TENM1: variants seen among roughly 807,000 people sequenced by gnomAD.
The protein encoded by TENM1 is teneurin-1.
A neutral mutation model predicts 174.8 loss-of-function variants in TENM1; 35 were observed. The ratio of observed to expected loss-of-function variants is 0.20; its 90% CI spans 0.15 to 0.27. The LOEUF (loss-of-function observed/expected upper bound fraction) is 0.27. Ranked by LOEUF, TENM1 falls within the 10% of genes least tolerant of loss-of-function variation. The pLI is 1.00. For synonymous variants in TENM1, 781 were observed against 798.7 expected (o/e 0.98, Z 0.37); for missense variants, 1,633 against 2,130.1 (o/e 0.77, Z 4.59).
chrX:124,977,967 TGAGAGAGAGAGA>T, the TENM1 span, among the ~76,000 whole-genome samples: 708 of 32,999 alleles, frequency 0.021, 10 homozygotes, highest in African/African-American at 0.1. Flanking sequence ...TGTGTGTGTG[TGAGAGAGAGAGA>T]GAGAGAGAGA....
the TENM1 span, among the ~76,000 whole-genome samples, chrX:124,992,569 TC>T: frequency 9.0e-6 from 1 of 110,916 alleles, no homozygotes; most frequent in East Asian, 2.9e-4. Flanking sequence ...CTTTCCCTCT[TC>T]CTTTCTGTGT....
the TENM1 span, among the ~76,000 whole-genome samples, chrX:125,155,110 G>A: frequency 3.6e-5 from 4 of 111,332 alleles, no homozygotes; most frequent in African/African-American, 6.5e-5. Context: ...TTGACAGGGC[G>A]CTGATTGGTG....
chrX:124,974,904 A>T, the TENM1 span, among the ~76,000 whole-genome samples: 52 of 94,334 alleles, frequency 5.5e-4, no homozygotes, highest in Non-Finnish European at 9.0e-4. Context: ...ATATATATAA[A>T]ATAATTTTGA....
At chrX:124,926,718 C>T (rs886545690) in intron 1 of TENM1, among the ~76,000 whole-genome samples, 2 of 111,899 alleles carry the variant, frequency 1.8e-5, no homozygotes, top group African/African-American at 6.5e-5. Flanking sequence ...AGTACATATA[C>T]ATATATGTTA....
At chrX:124,693,062 C>T (rs1408354179) in intron 5 of TENM1, among the ~76,000 whole-genome samples, 1 of 107,028 alleles carries the variant, frequency 9.3e-6, no homozygotes, top group Non-Finnish European at 1.9e-5. Flanking sequence ...CTGCTCTACT[C>T]TTACCTTGCT....
At chrX:124,481,452 A>G (rs182484959) in intron 22 of TENM1, among the ~76,000 whole-genome samples, 1,263 of 110,261 alleles carry the variant, frequency 0.011, 19 homozygotes, top group African/African-American at 0.039. Context: ...AGGCACTCTG[A>G]GGGTTCTGGC....
At chrX:124,558,628 C>T (rs2048745281) in intron 14 of TENM1, among the ~76,000 whole-genome samples, 1 of 111,133 alleles carries the variant, frequency 9.0e-6, no homozygotes, top group Admixed American at 9.6e-5. Context: ...AAATGAAGGG[C>T]ATTTAATATA....
At chrX:124,392,473 G>A (rs1212925797) in intron 27 of TENM1, 125 bp from the exon 31 acceptor site, 20 of 523,650 alleles carry the variant, frequency 3.8e-5, no homozygotes, top group Non-Finnish European at 5.0e-5. Flanking sequence ...GAAGCCTCAC[G>A]GCTTCACATT....
the TENM1 span, among the ~76,000 whole-genome samples, chrX:124,977,458 CATT>C: frequency 8.1e-5 from 9 of 111,259 alleles, no homozygotes; most frequent in African/African-American, 2.9e-4. Flanking sequence ...TTCTAAATAG[CATT>C]ATTGAGTTTA....
intron 11 of TENM1, among the ~76,000 whole-genome samples, chrX:124,595,883 C>A (rs1299952188): frequency 8.9e-6 from 1 of 111,830 alleles, no homozygotes; most frequent in East Asian, 2.8e-4. Flanking sequence ...AAAATGATTT[C>A]CATAAAGATT....
At chrX:124,856,925 A>G (rs1377731399) in intron 3 of TENM1, among the ~76,000 whole-genome samples, 1 of 111,547 alleles carries the variant, frequency 9.0e-6, no homozygotes, top group Non-Finnish European at 1.9e-5. Flanking sequence ...AAAGGTTAGG[A>G]TAGACTAGAA....
intron 11 of TENM1, among the ~76,000 whole-genome samples, chrX:124,608,979 G>A (rs2050222933): frequency 9.0e-6 from 1 of 110,820 alleles, no homozygotes; most frequent in Non-Finnish European, 1.9e-5. Flanking sequence ...GAGTTGGACT[G>A]GTAATGGTAA....
At chrX:124,638,822 G>A (rs962295839) in intron 11 of TENM1, among the ~76,000 whole-genome samples, 2 of 111,116 alleles carry the variant, frequency 1.8e-5, no homozygotes, top group African/African-American at 3.3e-5. Context: ...CCTACTTTTC[G>A]GCCTATGTCT....
intron 20 of TENM1, among the ~76,000 whole-genome samples, chrX:124,495,879 C>A (rs1432089401): frequency 2.9e-5 from 3 of 103,324 alleles, no homozygotes; most frequent in Non-Finnish European, 5.9e-5. Context: ...TTTTAAAGTT[C>A]ATATGGAACC....
chrX:124,603,685 T>C (rs1246628451), intron 11 of TENM1, among the ~76,000 whole-genome samples: 2 of 111,936 alleles, frequency 1.8e-5, no homozygotes, highest in South Asian at 3.7e-4. Flanking sequence ...ATAAGTCTGA[T>C]TGGCTGAACA....
At chrX:124,529,700 G>A (rs144446459) in intron 16 of TENM1, among the ~76,000 whole-genome samples, 164 bp downstream of exon 19, 235 of 111,770 alleles carry the variant, frequency 2.1e-3, no homozygotes, top group African/African-American at 7.3e-3. Flanking sequence ...AATCCAGTTT[G>A]AATTAATTAG....
At chrX:125,123,762 C>T in the TENM1 span, among the ~76,000 whole-genome samples, 10 of 112,493 alleles carry the variant, frequency 8.9e-5, no homozygotes, top group African/African-American at 2.9e-4. Context: ...TGATATCACT[C>T]ATGCATTTAA....
chrX:124,507,547 A>G (rs1238276376), intron 18 of TENM1, among the ~76,000 whole-genome samples: 1 of 111,993 alleles, frequency 8.9e-6, no homozygotes, highest in African/African-American at 3.2e-5. Context: ...AAGACTGAGT[A>G]AAAGATTGTA....
At chrX:124,542,407 C>T (rs1185399792) in intron 15 of TENM1, among the ~76,000 whole-genome samples, 1 of 102,038 alleles carries the variant, frequency 9.8e-6, no homozygotes, top group Non-Finnish European at 2.0e-5. Flanking sequence ...AGAAGAAACC[C>T]ATCATCTTGT....
Sources: gnomAD v4.1 joint callset for allele counts (sites outside exome capture counted in the v4.1 genomes callset) on GRCh38, gnomAD v4.1.1 for gene constraint, MANE v1.5 for transcripts, NCBI Gene and HGNC (gene_info 2026-07-23, HGNC 2026-07-21) for gene names.